Variants in ARHGAP26 observed in about 807,000 individuals in gnomAD.
The protein encoded by ARHGAP26 is Rho GTPase activating protein 26.
In ARHGAP26, 38 loss-of-function variants were observed where a neutral mutation model predicts 104.8. The ratio of observed to expected loss-of-function variants is 0.36; its 90% confidence interval spans 0.28 to 0.48. The LOEUF (loss-of-function observed/expected upper bound fraction) is 0.48. ARHGAP26 is among the 20% of genes least tolerant of loss of function. The pLI is 0.99. For missense variants in ARHGAP26, 704 were observed against 947.9 expected (o/e 0.74, Z 3.38); for synonymous variants, 341 against 340.0 (o/e 1.00, Z -0.03).
chr5:142,938,756 T>A (rs1765815270), intron 11 of ARHGAP26, among the ~76,000 whole-genome samples: 1 of 152,194 alleles, frequency 6.6e-6, no homozygotes, highest in Admixed American at 6.5e-5. Context: ...TTTCCATATA[T>A]CCCCTTAGCT....
intron 11 of ARHGAP26, among the ~76,000 whole-genome samples, chr5:143,012,544 C>CATACATATATATATATATATAT (rs1562259185): frequency 7.0e-5 from 3 of 43,084 alleles, no homozygotes; most frequent in Non-Finnish European, 1.8e-4. Flanking sequence ...TATTTATATA[C>CATACATATATATATATATATAT]ATACATACAT....
At chr5:142,931,787 C>T (rs1764758796) in intron 10 of ARHGAP26, among the ~76,000 whole-genome samples, 1 of 152,214 alleles carries the variant, frequency 6.6e-6, no homozygotes, top group Admixed American at 6.5e-5. Flanking sequence ...TCACTTAACT[C>T]CTCTACGTCC....
intron 6 of ARHGAP26, among the ~76,000 whole-genome samples, chr5:142,900,659 C>T (rs1379000888): frequency 6.6e-6 from 1 of 151,746 alleles, no homozygotes; most frequent in African/African-American, 2.4e-5. Flanking sequence ...ATAGCTGCCT[C>T]TCAGAAAAGG....
At chr5:143,171,209 T>G (rs1008406993) in intron 20 of ARHGAP26, among the ~76,000 whole-genome samples, 1 of 152,192 alleles carries the variant, frequency 6.6e-6, no homozygotes, top group Non-Finnish European at 1.5e-5. Context: ...CCCAGTTAGA[T>G]GAACAACCAC....
At chr5:142,790,112 G>A (rs2151903363) in intron 1 of ARHGAP26, among the ~76,000 whole-genome samples, 1 of 152,326 alleles carries the variant, frequency 6.6e-6, no homozygotes, top group South Asian at 2.1e-4. Flanking sequence ...CAGCCTTATG[G>A]AGCTTTTGTT....
At chr5:143,000,521 G>A (rs964057466) in intron 11 of ARHGAP26, among the ~76,000 whole-genome samples, 1 of 152,190 alleles carries the variant, frequency 6.6e-6, no homozygotes, top group Non-Finnish European at 1.5e-5. Context: ...CCATTACTGG[G>A]TATATACCAA....
At chr5:142,992,718 G>A (rs545572344) in intron 11 of ARHGAP26, among the ~76,000 whole-genome samples, 4 of 152,212 alleles carry the variant, frequency 2.6e-5, no homozygotes, top group South Asian at 2.1e-4. Flanking sequence ...GAGTCACCAC[G>A]CCTGGCCAGT....
chr5:143,020,410 C>G (rs76018778), intron 12 of ARHGAP26, among the ~76,000 whole-genome samples: 21 of 152,134 alleles, frequency 1.4e-4, no homozygotes, highest in African/African-American at 4.3e-4. Flanking sequence ...CCAATTACAT[C>G]GTGTGGGTGT....
At chr5:143,091,699 T>G (rs910749168) in intron 17 of ARHGAP26, among the ~76,000 whole-genome samples, 4 of 152,244 alleles carry the variant, frequency 2.6e-5, no homozygotes, top group Non-Finnish European at 4.4e-5. Flanking sequence ...GGTAAGATTT[T>G]TATAGACTCT....
intron 11 of ARHGAP26, among the ~76,000 whole-genome samples, chr5:142,964,331 A>G (rs1770894707): frequency 6.6e-6 from 1 of 152,108 alleles, no homozygotes; most frequent in African/African-American, 2.4e-5. Context: ...CTATTTACTA[A>G]ATTCTTTTCT....
intron 1 of ARHGAP26, among the ~76,000 whole-genome samples, chr5:142,852,614 ATGCATTTTGGC>A (rs1442127833): frequency 2.3e-4 from 35 of 152,236 alleles, no homozygotes; most frequent in African/African-American, 7.5e-4. Context: ...TCGCATGTTG[ATGCATTTTGGC>A]TGCTTGCTGC....
intron 20 of ARHGAP26, among the ~76,000 whole-genome samples, chr5:143,198,252 C>T (rs1807170716): frequency 6.6e-6 from 1 of 152,186 alleles, no homozygotes; most frequent in Non-Finnish European, 1.5e-5. Context: ...ATTGGGATTT[C>T]TTAGCAACTA....
intron 1 of ARHGAP26, among the ~76,000 whole-genome samples, chr5:142,829,810 A>C (rs1026983934): frequency 6.6e-6 from 1 of 152,144 alleles, no homozygotes. Context: ...ATATTGGCCT[A>C]ATGTTTTCCA....
intron 22 of ARHGAP26, among the ~76,000 whole-genome samples, chr5:143,214,610 A>T (rs1180274992): frequency 6.6e-6 from 1 of 152,200 alleles, no homozygotes; most frequent in Non-Finnish European, 1.5e-5. Flanking sequence ...CTGTAAACAC[A>T]TTCCAGGCCA....
At chr5:142,872,525 C>T (rs1163470188) in intron 1 of ARHGAP26, among the ~76,000 whole-genome samples, 2 of 152,228 alleles carry the variant, frequency 1.3e-5, no homozygotes, top group Non-Finnish European at 2.9e-5. Context: ...TTGTCCTCAG[C>T]AGCCAGATCT....
intron 1 of ARHGAP26, among the ~76,000 whole-genome samples, chr5:142,783,791 G>C (rs963587035): frequency 6.6e-6 from 1 of 152,260 alleles, no homozygotes; most frequent in African/African-American, 2.4e-5. Flanking sequence ...CAGGAAATTA[G>C]TGCTGCTTTC....
chr5:142,916,893 G>C (rs7710416), intron 10 of ARHGAP26, among the ~76,000 whole-genome samples: 73 of 152,262 alleles, frequency 4.8e-4, no homozygotes, highest in African/African-American at 1.6e-3. Context: ...TACAACCCAG[G>C]GGGGTAGGTC....
chr5:143,220,791 A>G (rs1377066786), intron 22 of ARHGAP26, among the ~76,000 whole-genome samples: 1 of 152,226 alleles, frequency 6.6e-6, no homozygotes, highest in Non-Finnish European at 1.5e-5. Flanking sequence ...GAGGCACTCA[A>G]GGTGTACCCA....
chr5:142,921,001 T>G (rs1432390324), intron 10 of ARHGAP26, among the ~76,000 whole-genome samples: 3 of 152,206 alleles, frequency 2.0e-5, no homozygotes, highest in Admixed American at 2.0e-4. Flanking sequence ...CTACTGGCAG[T>G]GGAGATATAA....
Sources: allele counts gnomAD v4.1 joint callset (sites outside exome capture counted in the v4.1 genomes callset), GRCh38; gene constraint gnomAD v4.1.1; transcripts MANE v1.5; gene names NCBI Gene and HGNC (gene_info 2026-07-23, HGNC 2026-07-21).